SPRY3: variants seen among roughly 807,000 people sequenced by gnomAD.
The protein encoded by SPRY3 is sprouty RTK signaling antagonist 3.
In SPRY3, 15 loss-of-function variants were observed where a neutral mutation model predicts 20.2. That is an observed-to-expected ratio of 0.74 (90% CI 0.50 to 1.14). The LOEUF (loss-of-function observed/expected upper bound fraction) is 1.14. Among genes scored for constraint, SPRY3 ranks in the 50% most tolerant of loss-of-function variants. The pLI, the probability that SPRY3 is intolerant of heterozygous loss-of-function variation, is 0.00. For synonymous variants in SPRY3, 143 were observed against 136.5 expected, an observed-to-expected ratio of 1.05 and a Z score of -0.33; for missense variants, 364 against 363.9, an observed-to-expected ratio of 1.00 and a Z score of 0.00.
intron 2 of SPRY3, among the ~76,000 whole-genome samples, chrX:155,732,455 T>C (rs1168460109): frequency 1.3e-5 from 2 of 152,016 alleles, no homozygotes; most frequent in Non-Finnish European, 2.9e-5. Flanking sequence ...TACAATGAGA[T>C]ATCTCAGCCC....
At chrX:155,646,640 G>A (rs2067958618) in intron 1 of SPRY3, among the ~76,000 whole-genome samples, 1 of 111,082 alleles carries the variant, frequency 9.0e-6, no homozygotes, top group Admixed American at 9.6e-5. Context: ...TATTGATTTT[G>A]TATCCTGCAA....
chrX:155,673,183 G>A (rs1318109887), intron 2 of SPRY3, among the ~76,000 whole-genome samples: 1 of 104,999 alleles, frequency 9.5e-6, no homozygotes, highest in African/African-American at 3.5e-5. Context: ...CCTGAACATT[G>A]TGCACATGTA....
At chrX:155,710,875 G>A (rs1454203242) in intron 2 of SPRY3, among the ~76,000 whole-genome samples, 13 of 151,532 alleles carry the variant, frequency 8.6e-5, no homozygotes, top group Non-Finnish European at 1.2e-4. Context: ...TCTTTATCAT[G>A]AAGGGATGTT....
At chrX:155,751,951 AATAAAAT>A (rs1289136946) in intron 2 of SPRY3, among the ~76,000 whole-genome samples, 3 of 146,682 alleles carry the variant, frequency 2.0e-5, no homozygotes, top group African/African-American at 7.5e-5. Context: ...AATAAAATAA[AATAAAAT>A]AAAATAAAAT....
chrX:155,775,542 A>G (rs1218978252), exon 4 of SPRY3: 1 of 167,108 alleles, frequency 6.0e-6, no homozygotes, highest in Non-Finnish European at 1.5e-5. Context: ...ATCACTAGCA[A>G]TAGTGTGTAT....
At chrX:155,763,138 C>G (rs1475178702) in intron 2 of SPRY3, among the ~76,000 whole-genome samples, 1 of 152,080 alleles carries the variant, frequency 6.6e-6, no homozygotes, top group African/African-American at 2.4e-5. Context: ...CTCATGTTCT[C>G]ACTTATAAGT....
At chrX:155,690,343 G>A (rs1236178607) in intron 2 of SPRY3, among the ~76,000 whole-genome samples, 1 of 88,280 alleles carries the variant, frequency 1.1e-5, no homozygotes, top group East Asian at 3.3e-4. Flanking sequence ...ACACATATCA[G>A]TAACAACCAT....
chrX:155,710,014 G>A (rs1347531302), intron 2 of SPRY3, among the ~76,000 whole-genome samples: 1 of 151,540 alleles, frequency 6.6e-6, no homozygotes, highest in African/African-American at 2.4e-5. Flanking sequence ...TGTTCCATTG[G>A]CCTATGTGTA....
chrX:155,730,269 T>C (rs2091124528), intron 2 of SPRY3, among the ~76,000 whole-genome samples: 1 of 152,258 alleles, frequency 6.6e-6, no homozygotes, highest in East Asian at 1.9e-4. Flanking sequence ...CTGATGAACA[T>C]TGATGCAAAA....
intron 1 of SPRY3, among the ~76,000 whole-genome samples, chrX:155,650,072 AAGG>A (rs2067971698): frequency 9.0e-6 from 1 of 111,492 alleles, no homozygotes. Context: ...GGACCTCTTC[AAGG>A]AGAACTACAA....
chrX:155,618,501 G>GT (rs1419834152), intron 1 of SPRY3, among the ~76,000 whole-genome samples: 12 of 110,882 alleles, frequency 1.1e-4, no homozygotes, highest in Non-Finnish European at 2.1e-4. Flanking sequence ...GTACACATGT[G>GT]TTTTTTTTGG....
At chrX:155,672,084 G>A (rs1399614719) in intron 2 of SPRY3, among the ~76,000 whole-genome samples, 2 of 111,620 alleles carry the variant, frequency 1.8e-5, no homozygotes, top group Non-Finnish European at 3.8e-5. Context: ...GTAGCATGAT[G>A]CCTCCAGCTT....
intron 2 of SPRY3, among the ~76,000 whole-genome samples, chrX:155,730,118 A>AACTAAT (rs1487523241): frequency 2.6e-5 from 4 of 152,246 alleles, no homozygotes; most frequent in African/African-American, 2.4e-5. Flanking sequence ...ACATTTAAAG[A>AACTAAT]ACTAATACCA....
chrX:155,712,484 C>T (rs2090993615), intron 2 of SPRY3, among the ~76,000 whole-genome samples: 1 of 151,908 alleles, frequency 6.6e-6, no homozygotes, highest in African/African-American at 2.4e-5. Context: ...TCTACTTTGT[C>T]TGATATATGT....
intron 2 of SPRY3, among the ~76,000 whole-genome samples, chrX:155,703,837 C>T (rs907029151): frequency 2.6e-5 from 4 of 151,820 alleles, no homozygotes; most frequent in Non-Finnish European, 5.9e-5. Context: ...GTTGGGGAAA[C>T]CCTTAATCTC....
chrX:155,615,252 C>T (rs1557348755), intron 1 of SPRY3, among the ~76,000 whole-genome samples: 1 of 112,830 alleles, frequency 8.9e-6, no homozygotes, highest in Non-Finnish European at 1.9e-5. Context: ...TTTTTAGACT[C>T]TTGCTCTAGG....
chrX:155,726,111 C>A (rs1320328886), intron 2 of SPRY3, among the ~76,000 whole-genome samples: 1 of 152,086 alleles, frequency 6.6e-6, no homozygotes, highest in African/African-American at 2.4e-5. Context: ...TGTTCAGTTT[C>A]CATGTTGTTG....
At chrX:155,764,956 C>G (rs1483519294) in intron 2 of SPRY3, among the ~76,000 whole-genome samples, 3 of 152,156 alleles carry the variant, frequency 2.0e-5, no homozygotes, top group Non-Finnish European at 4.4e-5. Flanking sequence ...TTACCAGTGT[C>G]TGGGGGAGTC....
chrX:155,707,946 A>T (rs1332517196), intron 2 of SPRY3, among the ~76,000 whole-genome samples: 1 of 151,078 alleles, frequency 6.6e-6, no homozygotes, highest in Non-Finnish European at 1.5e-5. Flanking sequence ...TTTACATGTG[A>T]TCTTTGCTAA....
Sources: gnomAD v4.1 joint callset for allele counts (sites outside exome capture counted in the v4.1 genomes callset) on GRCh38, gnomAD v4.1.1 for gene constraint, MANE v1.5 for transcripts, NCBI Gene and HGNC (gene_info 2026-07-23, HGNC 2026-07-21) for gene names.